The following PCNP variants were observed in gnomAD, a reference collection of about 807,000 sequenced individuals.
PCNP encodes the protein PEST proteolytic signal containing nuclear protein, also known as PEST proteolytic signal-containing nuclear protein.
A neutral mutation model predicts 21.8 loss-of-function variants in PCNP; 6 were observed. The ratio of observed to expected loss-of-function variants is 0.28; its 90% confidence interval spans 0.15 to 0.54. PCNP has a LOEUF of 0.54. PCNP is among the 20% of genes least tolerant of loss of function. The pLI, the probability that PCNP is intolerant of heterozygous loss-of-function variation, is 0.95. For missense variants in PCNP, 161 were observed against 215.5 expected (o/e 0.75, Z 1.58); for synonymous variants, 67 against 73.2 (o/e 0.92, Z 0.43).
intron 2 of PCNP, among the ~76,000 whole-genome samples, chr3:101,584,313 AT>A (rs1334633584): frequency 1.3e-5 from 2 of 152,030 alleles, no homozygotes; most frequent in Non-Finnish European, 2.9e-5. Context: ...TTAAAAAAAA[AT>A]TTTTTTAGAG....
chr3:101,587,875 A>G (rs532895083), intron 3 of PCNP, among the ~76,000 whole-genome samples: 187 of 152,308 alleles, frequency 1.2e-3, no homozygotes, highest in African/African-American at 4.2e-3. Flanking sequence ...AAGCACCTAC[A>G]TTACAACAAT....
rs749175011 is a variant in PCNP at position 101,579,887 on chromosome 3, TGAA to T, written c.170_172del (p.Glu57del). Reference sequence around the variant, plus strand: ...GTCGCAGCGCTGAGAAGCGATCAGCTGAAGAAGAAGCTGCCGACCTCCCAACAA... The same window carrying T: ...GTCGCAGCGCTGAGAAGCGATCAGCTGAAGAAGCTGCCGACCTCCCAACAA... On this transcript the variant is annotated inframe_deletion, in exon 2 of 5. Coordinates refer to ENST00000265260, the MANE Select transcript of PCNP (RefSeq NM_020357.3). 9.9e-6 allele frequency: 16 copies of T among 1,613,940 alleles called. No individual in the cohort carries two copies. In the African/African-American group the frequency reaches 1.1e-4, roughly 11 times the overall value.
chr3:101,588,983 T>G (rs149723498), intron 3 of PCNP, among the ~76,000 whole-genome samples: 2 of 152,338 alleles, frequency 1.3e-5, no homozygotes, highest in East Asian at 3.9e-4. Context: ...GGGATAGGCT[T>G]TGAGAATATG....
intron 2 of PCNP, among the ~76,000 whole-genome samples, chr3:101,584,088 GACCTT>G (rs1201125230): frequency 6.6e-6 from 1 of 152,052 alleles, no homozygotes; most frequent in Non-Finnish European, 1.5e-5. Flanking sequence ...TAATCAACAG[GACCTT>G]ACAAGTTGAA....
At chr3:101,586,216 C>A (rs1485178804) in intron 3 of PCNP, among the ~76,000 whole-genome samples, 4 of 150,452 alleles carry the variant, frequency 2.7e-5, no homozygotes, top group African/African-American at 9.8e-5. Context: ...ATTGTGCTCA[C>A]TTCCCATATC....
chr3:101,588,358 TTC>T (rs1559963792), intron 3 of PCNP, among the ~76,000 whole-genome samples: 1 of 152,194 alleles, frequency 6.6e-6, no homozygotes, highest in Non-Finnish European at 1.5e-5. Context: ...CTGTTTCTTG[TTC>T]TTTGTGTCAT....
chr3:101,591,434 A>T (rs1283301476), intron 4 of PCNP, among the ~76,000 whole-genome samples: 1 of 152,212 alleles, frequency 6.6e-6, no homozygotes, highest in Admixed American at 6.5e-5. Context: ...ACACAAGCGT[A>T]AGTCTCCAAA....
chr3:101,588,393 T>G (rs542244852), intron 3 of PCNP, among the ~76,000 whole-genome samples: 12 of 152,370 alleles, frequency 7.9e-5, no homozygotes, highest in African/African-American at 2.6e-4. Context: ...TCCCTGCTTT[T>G]AAGTAAATTT....
chr3:101,592,856 T>TC lies in PCNP; in HGVS notation c.*104dup, dbSNP rs1559966913. On this transcript the variant is annotated 3_prime_UTR_variant, in exon 5 of 5. Coordinates refer to ENST00000265260, the MANE Select transcript of PCNP (RefSeq NM_020357.3). The stretch of plus-strand genomic sequence containing the variant: ...ACTATCTTTGGAGCCGCTTTTTTTT[T>TC]CTTTTTCATTTTTTTAAAAGATTGA... The TC allele has an allele frequency of 8.6e-6, 9 of 1,049,718 alleles. No homozygotes were observed. Among genetic ancestry groups the TC allele is most frequent in the Non-Finnish European group, 9.2e-6 (7 of 760,250 alleles). The allele number at this position is 1,049,718 out of a possible 1,614,324, so 65.0% of individuals were successfully genotyped here. A position where few individuals can be genotyped will look rare whatever the true frequency, so the allele number is the denominator to read the frequency against.
chr3:101,589,740 G>T, intron 3 of PCNP: 1 of 166,042 alleles, frequency 6.0e-6, no homozygotes, highest in Non-Finnish European at 1.3e-5. Flanking sequence ...TGTCTTTATT[G>T]TAGTAGATAT....
At chr3:101,588,328 ATGT>A (rs749070162) in intron 3 of PCNP, among the ~76,000 whole-genome samples, 5 of 152,164 alleles carry the variant, frequency 3.3e-5, no homozygotes, top group Non-Finnish European at 7.4e-5. Context: ...GTGCACACAC[ATGT>A]TGTCTTTTAG....
intron 4 of PCNP, among the ~76,000 whole-genome samples, chr3:101,590,577 T>C (rs1015143945): frequency 1.3e-5 from 2 of 152,170 alleles, no homozygotes; most frequent in Non-Finnish European, 2.9e-5. Context: ...CAGGGTCTTA[T>C]TCTGTTGCCC....
intron 2 of PCNP, among the ~76,000 whole-genome samples, chr3:101,584,563 AT>A (rs1050726693): frequency 3.3e-5 from 5 of 151,776 alleles, no homozygotes; most frequent in Admixed American, 1.3e-4. Context: ...TTTATTTTTT[AT>A]TTTTTTTATT....
intron 4 of PCNP, among the ~76,000 whole-genome samples, chr3:101,591,852 G>A (rs1478061734): frequency 7.2e-6 from 1 of 139,244 alleles, no homozygotes; most frequent in Non-Finnish European, 1.5e-5. Flanking sequence ...GCTCACTGCA[G>A]CCTTGACCTC....
intron 3 of PCNP, among the ~76,000 whole-genome samples, chr3:101,586,232 G>A (rs1935496251): frequency 6.6e-6 from 1 of 151,028 alleles, no homozygotes; most frequent in Admixed American, 6.6e-5. Flanking sequence ...ATATCCCTAG[G>A]AGGGATAACA....
chr3:101,592,151 T>C (rs1335885545), intron 4 of PCNP, among the ~76,000 whole-genome samples: 1 of 151,626 alleles, frequency 6.6e-6, no homozygotes, highest in African/African-American at 2.4e-5. Flanking sequence ...TTTTTTGTTT[T>C]TTTGTGTGTT....
At chr3:101,578,674 G>A (rs567006881) in intron 1 of PCNP, among the ~76,000 whole-genome samples, 86 of 152,290 alleles carry the variant, frequency 5.6e-4, no homozygotes, top group African/African-American at 2.0e-3. Flanking sequence ...TTCCAAAACT[G>A]TATAGATCTA....
In PCNP at chr3:101,585,898, C is replaced by T. The variant is rs369498332; in HGVS notation, c.354+387C>T. ...TAAAAAGCCAACTATTGGCTAGGCGCGGTGTCTCATGCCTGTAAGCCTAGC... is the reference window on the plus strand; with the variant it reads ...TAAAAAGCCAACTATTGGCTAGGCGTGGTGTCTCATGCCTGTAAGCCTAGC... On this transcript the variant is annotated intron_variant, in intron 3 of 4. Transcript: ENST00000265260. Among the ~76,000 whole-genome samples the T allele has an allele frequency of 1.6e-4, 25 of 152,166 alleles. 1 individual carries two copies. The South Asian group carries it at 2.3e-3, about 14-fold the overall frequency.
intron 1 of PCNP, among the ~76,000 whole-genome samples, chr3:101,578,441 A>AT (rs1199559931): frequency 1.3e-5 from 2 of 152,146 alleles, no homozygotes; most frequent in African/African-American, 4.8e-5. Flanking sequence ...TGCTTTTGTG[A>AT]TTTTATATAT....
Sources: gnomAD v4.1 joint callset for allele counts (sites outside exome capture counted in the v4.1 genomes callset) on GRCh38, gnomAD v4.1.1 for gene constraint, MANE v1.5 for transcripts, NCBI Gene and HGNC (gene_info 2026-07-23, HGNC 2026-07-21) for gene names.